Variants in METTL24 observed in about 807,000 individuals in gnomAD.
The protein encoded by METTL24 is probable methyltransferase-like protein 24.
In METTL24, 29 loss-of-function variants were observed where a neutral mutation model predicts 32.7. The observed-to-expected ratio is 0.89, with a 90% confidence interval of 0.66 to 1.21. The LOEUF (loss-of-function observed/expected upper bound fraction) is 1.21, where lower values mean the gene tolerates loss of function less well. Ranked by LOEUF, METTL24 falls within the 50% of genes most tolerant of loss-of-function variation. The pLI, the probability that METTL24 is intolerant of heterozygous loss-of-function variation, is 0.00. For synonymous variants in METTL24, 163 were observed against 179.5 expected, an observed-to-expected ratio of 0.91 and a Z score of 0.73; for missense variants, 439 against 468.1, an observed-to-expected ratio of 0.94 and a Z score of 0.57.
At chr6:110,297,121 T>C (rs1194829821) in intron 4 of METTL24, among the ~76,000 whole-genome samples, 1 of 152,228 alleles carries the variant, frequency 6.6e-6, no homozygotes, top group Non-Finnish European at 1.5e-5. Flanking sequence ...ATCACTTTCA[T>C]TGTAAATATT....
chr6:110,303,899 C>T (rs1280198647), intron 3 of METTL24, among the ~76,000 whole-genome samples: 1 of 152,206 alleles, frequency 6.6e-6, no homozygotes, highest in Non-Finnish European at 1.5e-5. Flanking sequence ...GGTCGACAGA[C>T]ACCTCATACA....
chr6:110,331,702 A>ACC, intron 1 of METTL24, among the ~76,000 whole-genome samples: 1 of 151,034 alleles, frequency 6.6e-6, no homozygotes, highest in East Asian at 1.9e-4. Flanking sequence ...TGACTGAAAG[A>ACC]CCCCCCAAAT....
intron 1 of METTL24, among the ~76,000 whole-genome samples, chr6:110,328,153 C>T (rs909368611): frequency 1.2e-4 from 18 of 152,116 alleles, no homozygotes; most frequent in Non-Finnish European, 2.4e-4. Flanking sequence ...GAGTGGGGAC[C>T]CCCTCTATTT....
At chr6:110,307,663 A>T (rs1340581211) in intron 3 of METTL24, among the ~76,000 whole-genome samples, 1 of 152,238 alleles carries the variant, frequency 6.6e-6, no homozygotes, top group Non-Finnish European at 1.5e-5. Flanking sequence ...GAAGGCTAGG[A>T]AATACAGCCA....
At chr6:110,267,738 T>C (rs1770882158) in intron 4 of METTL24, among the ~76,000 whole-genome samples, 1 of 152,214 alleles carries the variant, frequency 6.6e-6, no homozygotes, top group South Asian at 2.1e-4. Flanking sequence ...GAGGTTTATT[T>C]TGGCTCACAG....
chr6:110,343,036 C>CATG (rs1772391103), intron 1 of METTL24, among the ~76,000 whole-genome samples: 1 of 152,128 alleles, frequency 6.6e-6, no homozygotes, highest in East Asian at 1.9e-4. Context: ...TTTGTGTAAA[C>CATG]ATGTTTTCAG....
At chr6:110,278,887 T>C (rs1051082626) in intron 4 of METTL24, among the ~76,000 whole-genome samples, 1 of 152,132 alleles carries the variant, frequency 6.6e-6, no homozygotes, top group African/African-American at 2.4e-5. Flanking sequence ...CCAGTCATGG[T>C]GGCATGCACC....
intron 4 of METTL24, among the ~76,000 whole-genome samples, chr6:110,249,412 T>G (rs1434737597): frequency 1.3e-5 from 2 of 151,994 alleles, no homozygotes; most frequent in African/African-American, 2.4e-5. Context: ...ATTGTATAAG[T>G]TGATCTAAAT....
intron 4 of METTL24, among the ~76,000 whole-genome samples, chr6:110,267,264 G>A (rs886239531): frequency 6.6e-6 from 1 of 152,124 alleles, no homozygotes; most frequent in Non-Finnish European, 1.5e-5. Flanking sequence ...ATGGCTAAAG[G>A]CCATGAAATA....
intron 3 of METTL24, among the ~76,000 whole-genome samples, chr6:110,312,398 T>C (rs73523226): frequency 0.18 from 26,670 of 152,142 alleles, 3,350 homozygotes; most frequent in African/African-American, 0.35. Context: ...GATGCCTGCA[T>C]CCCCATGTTT....
At chr6:110,301,330 T>C (rs1305757187) in intron 3 of METTL24, among the ~76,000 whole-genome samples, 3 of 152,204 alleles carry the variant, frequency 2.0e-5, no homozygotes, top group Non-Finnish European at 4.4e-5. Context: ...TGTGGCAGAT[T>C]GACTTGTCGA....
intron 1 of METTL24, among the ~76,000 whole-genome samples, chr6:110,336,286 C>T (rs1386120951): frequency 6.6e-6 from 1 of 152,206 alleles, no homozygotes; most frequent in East Asian, 1.9e-4. Flanking sequence ...TGCCTCTCAT[C>T]CCTACCAACC....
intron 4 of METTL24, among the ~76,000 whole-genome samples, chr6:110,253,355 T>A (rs1447814420): frequency 6.6e-6 from 1 of 152,130 alleles, no homozygotes; most frequent in Non-Finnish European, 1.5e-5. Flanking sequence ...CCACATAAAC[T>A]ACGAGAGAGC....
At chr6:110,344,167 C>T (rs1349655188) in intron 1 of METTL24, among the ~76,000 whole-genome samples, 1 of 152,192 alleles carries the variant, frequency 6.6e-6, no homozygotes, top group Non-Finnish European at 1.5e-5. Flanking sequence ...CTTCAATGTT[C>T]ACTGCATGAC....
Position 110,315,350 on chromosome 6 carries a change from G to A in METTL24, c.549C>T (p.Tyr183=). 1.2e-6 allele frequency: 2 copies of A among 1,614,204 alleles called. No individual in the cohort carries two copies. The highest frequency in any genetic ancestry group is 1.3e-5 in the African/African-American group (1 of 75,062). ...TAAAAAAATGTACTCACCCTAAGGA[G>A]TAGAGGCGGCACTGCTTGTTGCGGA... ...HQIRNKQCRL[Y]SLGLGSDDTH... is the part of the protein sequence containing the mutation. The change falls in exon 3 of 5, where the codon TAC becomes TAT. Residue 183 remains tyrosine (Y), a synonymous_variant. Transcript: ENST00000338882.
intron 4 of METTL24, among the ~76,000 whole-genome samples, chr6:110,294,537 C>T (rs1771376568): frequency 6.6e-6 from 1 of 151,880 alleles, no homozygotes; most frequent in East Asian, 1.9e-4. Context: ...AGAAGTTAGT[C>T]CCAATATGCC....
intron 4 of METTL24, among the ~76,000 whole-genome samples, chr6:110,261,597 A>G (rs1770732081): frequency 6.6e-6 from 1 of 152,200 alleles, no homozygotes; most frequent in Admixed American, 6.5e-5. Context: ...AATTGAACTC[A>G]GCTCTGCGCC....
chr6:110,333,688 C>T (rs1014392060), intron 1 of METTL24, among the ~76,000 whole-genome samples: 4 of 152,132 alleles, frequency 2.6e-5, no homozygotes, highest in South Asian at 2.1e-4. Context: ...ATGACCTGCC[C>T]ACCTCGGCCT....
chr6:110,321,558 T>C (rs1282262020), intron 2 of METTL24, among the ~76,000 whole-genome samples: 1 of 152,236 alleles, frequency 6.6e-6, no homozygotes, highest in Non-Finnish European at 1.5e-5. Context: ...TTATCGTTCA[T>C]GTAAAATCAA....
Sources: gnomAD v4.1 joint callset for allele counts (sites outside exome capture counted in the v4.1 genomes callset) on GRCh38, gnomAD v4.1.1 for gene constraint, MANE v1.5 for transcripts, NCBI Gene and HGNC (gene_info 2026-07-23, HGNC 2026-07-21) for gene names.